Variants in VWA5B1 observed in about 807,000 individuals in gnomAD.
VWA5B1 encodes the protein von Willebrand factor A domain containing 5B1.
A neutral mutation model predicts 118.2 loss-of-function variants in VWA5B1; 115 were observed. The observed-to-expected ratio is 0.97, with a 90% CI of 0.84 to 1.14. The LOEUF (loss-of-function observed/expected upper bound fraction) is 1.14, where lower values mean the gene tolerates loss of function less well. Ranked by LOEUF, VWA5B1 falls within the 50% of genes most tolerant of loss-of-function variation. The pLI, the probability that VWA5B1 is intolerant of heterozygous loss-of-function variation, is 0.00. For synonymous variants in VWA5B1, 682 were observed against 658.4 expected, an observed-to-expected ratio of 1.04 and a Z score of -0.55; for missense variants, 1,596 against 1,603.8, an observed-to-expected ratio of 1.00 and a Z score of 0.08.
chr1:20,347,107 C>CT (rs1321403531), intron 17 of VWA5B1, among the ~76,000 whole-genome samples: 1 of 152,192 alleles, frequency 6.6e-6, no homozygotes, highest in African/African-American at 2.4e-5. Flanking sequence ...TAGATCAGCA[C>CT]TTCCCCAAGT....
rs371032672 is a variant in VWA5B1 at position 20,332,889 on chromosome 1, G to A, written c.1696G>A (p.Glu566Lys). 18 of 1,551,928 alleles carry A rather than the reference G, an allele frequency of 1.2e-5. No homozygotes were observed. The East Asian group carries it at 2.2e-4, about 19-fold the overall frequency. ...CAGCGCCAGCTCCCTCTTCCCTGGA[G>A]AACGGCTGGTGGGGTATGGCATTGT... ...PVSASSLFPG[E>K]RLVGYGIVCD... Residue 566 changes from glutamate to lysine, a missense_variant, in exon 12 of 22, where the codon GAA becomes AAA. Transcript: ENST00000289815.
At chr1:20,325,848 G>A (rs748991546) in intron 8 of VWA5B1, among the ~76,000 whole-genome samples, 3 of 152,162 alleles carry the variant, frequency 2.0e-5, no homozygotes, top group Non-Finnish European at 2.9e-5. Flanking sequence ...GCCACTGGAA[G>A]GTTGCTTGGG....
chr1:20,304,707 T>C (rs1448056368), intron 1 of VWA5B1, among the ~76,000 whole-genome samples: 1 of 151,322 alleles, frequency 6.6e-6, no homozygotes, highest in African/African-American at 2.4e-5. Flanking sequence ...GAAGAGAGGA[T>C]TGCAAGACTC....
At chr1:20,324,340 C>A (rs992936593) in intron 8 of VWA5B1, among the ~76,000 whole-genome samples, 4 of 152,070 alleles carry the variant, frequency 2.6e-5, no homozygotes, top group African/African-American at 9.7e-5. Context: ...AGAATCCTCC[C>A]CCCTCACAAT....
Position 20,290,997 on chromosome 1 carries a change from C to G in VWA5B1, c.-118C>G, listed in dbSNP as rs748035796. 1 of 152,372 alleles carries G rather than the reference C, an allele frequency of 6.6e-6. No individual in the cohort carries two copies. Among genetic ancestry groups the G allele is most frequent in the Admixed American group, 6.5e-5 (1 of 15,312 alleles). The allele number at this position is 152,372 out of a possible 1,614,324, so 9.4% of individuals were successfully genotyped here. On this transcript the variant is annotated 5_prime_UTR_variant, in exon 1 of 22. Transcript: ENST00000289815. ...TGGGCACTGGAGCCCAGCCCCGGAC[C>G]GCACCTCCAGCAGTGCTGGGTGCAG...
intron 6 of VWA5B1, 112 bp from the exon 7 acceptor site, chr1:20,319,270 C>A: frequency 6.9e-7 from 1 of 1,450,274 alleles, no homozygotes; most frequent in Non-Finnish European, 9.2e-7. Flanking sequence ...TTCCACCCCG[C>A]TTCCAAATGG....
Position 20,357,492 on chromosome 1 carries a change from C to T in VWA5B1, c.*3229C>T, listed in dbSNP as rs1421287945. Among the ~76,000 whole-genome samples, 2 of 152,212 alleles carry T rather than the reference C, an allele frequency of 1.3e-5. No individual in the cohort carries two copies. Among genetic ancestry groups the T allele is most frequent in the Non-Finnish European group, 2.9e-5 (2 of 68,040 alleles). On this transcript the variant is annotated 3_prime_UTR_variant, in exon 22 of 22. Transcript: ENST00000289815. ...AGCAGGTGACCCAGCAGCAGCTCTT[C>T]TCTGGTTACTAGGTCGCAAAATGCT... is the stretch of plus-strand genomic sequence containing the variant.
intron 12 of VWA5B1, among the ~76,000 whole-genome samples, chr1:20,334,532 C>G (rs953766498): frequency 6.6e-6 from 1 of 152,162 alleles, no homozygotes; most frequent in Non-Finnish European, 1.5e-5. Context: ...AGAGATAGGC[C>G]GGGCACGATG....
At chr1:20,352,029 A>G in intron 20 of VWA5B1, 26 bp from the exon 21 acceptor site, 1 of 1,542,166 alleles carries the variant, frequency 6.5e-7, no homozygotes, top group Non-Finnish European at 8.8e-7. Flanking sequence ...TGGGATGCCC[A>G]GGGCCACCTG....
chr1:20,321,224 G>A (rs951144197), intron 7 of VWA5B1, among the ~76,000 whole-genome samples: 4 of 151,996 alleles, frequency 2.6e-5, no homozygotes, highest in Admixed American at 6.6e-5. Context: ...TCTTAGGGGG[G>A]CAATACTGAG....
At chr1:20,337,339 G>T (rs1234775419) in intron 13 of VWA5B1, among the ~76,000 whole-genome samples, 1 of 152,040 alleles carries the variant, frequency 6.6e-6, no homozygotes, top group Non-Finnish European at 1.5e-5. Context: ...TGTAGCCCAG[G>T]CTGGTCTGGA....
chr1:20,302,938 C>T (rs920519486), intron 1 of VWA5B1: 8 of 152,152 alleles, frequency 5.3e-5, no homozygotes, highest in East Asian at 3.9e-4. Flanking sequence ...TTGGCCTCAC[C>T]GTCAGGGATT....
At chr1:20,323,188 C>A (rs2089274224) in intron 7 of VWA5B1, 168 bp from the exon 8 acceptor site, 1 of 529,448 alleles carries the variant, frequency 1.9e-6, no homozygotes, top group East Asian at 3.5e-5. Flanking sequence ...GCTGTTGCAA[C>A]CCGTGAAGGT....
chr1:20,321,113 C>CAAAAAAA (rs4062863), intron 7 of VWA5B1, among the ~76,000 whole-genome samples: 1,262 of 94,022 alleles, frequency 0.013, 85 homozygotes, highest in African/African-American at 0.05. Context: ...GTAACAGAGG[C>CAAAAAAA]AAAAAAAAAA....
chr1:20,348,041 C>A (rs942035296), intron 17 of VWA5B1, among the ~76,000 whole-genome samples: 1 of 152,184 alleles, frequency 6.6e-6, no homozygotes, highest in Non-Finnish European at 1.5e-5. Context: ...GGGTCCGCAC[C>A]CATCCAACTG....
In VWA5B1 at chr1:20,348,255, G is replaced by A; in HGVS notation, c.2775G>A (p.Leu925=). The change falls in exon 18 of 22, where the codon CTG becomes CTA. Residue 925 remains leucine (L), a synonymous_variant. Coordinates refer to ENST00000289815, the MANE Select transcript of VWA5B1 (RefSeq NM_001039500.3). ...TTGTCTTCCGCGAAGGAGCTGCCCT[G>A]CGTATGCTTGGCTCTCGGGCCCTGG... is the stretch of plus-strand genomic sequence containing the variant. ...VVEYPNSGAA[L]RMLGSRALAQ... 1.9e-6 allele frequency: 3 copies of A among 1,551,680 alleles called. No homozygotes were observed. The highest frequency in any genetic ancestry group is 2.6e-6 in the Non-Finnish European group (3 of 1,147,018).
chr1:20,306,393 C>G (rs1271747550), intron 1 of VWA5B1, among the ~76,000 whole-genome samples: 1 of 152,160 alleles, frequency 6.6e-6, no homozygotes, highest in Non-Finnish European at 1.5e-5. Context: ...AGTCACACAA[C>G]TGGATCCTTG....
Position 20,355,860 on chromosome 1 carries a change from T to C in VWA5B1, c.*1597T>C, listed in dbSNP as rs567251407. On this transcript the variant is annotated 3_prime_UTR_variant, in exon 22 of 22. Transcript: ENST00000289815. ...CCGCGAGGGATTCTCACAGCCCTTT[T>C]GAATACTTAAGATGAAATCCCATTG... Among the ~76,000 whole-genome samples, 110 of 149,128 alleles carry C rather than the reference T, an allele frequency of 7.4e-4. No homozygotes were observed. The highest frequency in any genetic ancestry group is 1.4e-3 in the Non-Finnish European group (91 of 67,080).
At position 20,336,442 on chromosome 1, in the gene VWA5B1, C is replaced by T. The variant is rs758113163; in HGVS notation, c.1898C>T (p.Ala633Val). Residue 633 changes from alanine to valine, a missense_variant, in exon 13 of 22, where the codon GCC becomes GTC. Ala to Val is a moderately conservative substitution (Grantham distance 64, BLOSUM62 0). Coordinates refer to ENST00000289815, the MANE Select transcript of VWA5B1 (RefSeq NM_001039500.3). ...NSGAPFILGQ[A>V]KNARLASGDS... Reference sequence around the variant, plus strand: ...GGGGCACCCTTCATCCTAGGGCAGGCCAAAAATGCCCGGCTAGCCAGCGGA... The same window carrying T: ...GGGGCACCCTTCATCCTAGGGCAGGTCAAAAATGCCCGGCTAGCCAGCGGA... The T allele has an allele frequency of 1.3e-5, 19 of 1,490,054 alleles. No individual in the cohort carries two copies. In the Middle Eastern group the frequency reaches 5.2e-4, roughly 40 times the overall value. 92.3% of individuals were successfully genotyped at this position (1,490,054 alleles called of 1,614,324 possible).
Sources: allele counts gnomAD v4.1 joint callset (sites outside exome capture counted in the v4.1 genomes callset), GRCh38; gene constraint gnomAD v4.1.1; transcripts MANE v1.5; gene names NCBI Gene and HGNC (gene_info 2026-07-23, HGNC 2026-07-21).